EYS: variants seen among roughly 807,000 people sequenced by gnomAD.
EYS encodes protein eyes shut homolog.
In EYS, 250 loss-of-function variants were observed where a neutral mutation model predicts 282.1. That is an observed-to-expected ratio of 0.89 (90% confidence interval 0.80 to 0.98). The LOEUF (loss-of-function observed/expected upper bound fraction) is 0.98. Ranked by LOEUF, EYS falls within the 50% of genes least tolerant of loss-of-function variation. EYS has a pLI of 0.00. For synonymous variants in EYS, 1,355 were observed against 1,282.9 expected (o/e 1.06, Z -1.20); for missense variants, 4,016 against 3,709.0 (o/e 1.08, Z -2.15).
chr6:64,596,705 A>C (rs930903928), intron 24 of EYS, among the ~76,000 whole-genome samples: 1 of 152,214 alleles, frequency 6.6e-6, no homozygotes, highest in South Asian at 2.1e-4. Context: ...TACAAAAATC[A>C]ACTCAAAATT....
intron 2 of EYS, among the ~76,000 whole-genome samples, chr6:65,500,624 ACTT>A (rs548172673): frequency 4.8e-4 from 73 of 152,136 alleles, no homozygotes; most frequent in African/African-American, 1.7e-3. Context: ...TACTACATCA[ACTT>A]CTTCATAAAG....
chr6:65,177,733 T>C (rs1163075201), intron 12 of EYS, among the ~76,000 whole-genome samples: 4 of 151,888 alleles, frequency 2.6e-5, no homozygotes, highest in Non-Finnish European at 4.4e-5. Context: ...ATTTTATACA[T>C]AATCTACATA....
At chr6:64,550,946 T>C (rs558465189) in intron 26 of EYS, among the ~76,000 whole-genome samples, 3 of 152,232 alleles carry the variant, frequency 2.0e-5, no homozygotes, top group East Asian at 3.9e-4. Flanking sequence ...TTGTTTTTAA[T>C]ATTGCTTTTA....
intron 26 of EYS, among the ~76,000 whole-genome samples, chr6:64,446,302 A>G (rs1168365761): frequency 6.6e-6 from 1 of 152,220 alleles, no homozygotes; most frequent in African/African-American, 2.4e-5. Flanking sequence ...AAAATCAGGA[A>G]TCAATGAACC....
chr6:64,056,494 C>T (rs978504721), intron 33 of EYS, among the ~76,000 whole-genome samples: 1 of 152,148 alleles, frequency 6.6e-6, no homozygotes, highest in Admixed American at 6.6e-5. Context: ...TCTATATAAT[C>T]CCATTCTAAG....
At chr6:64,904,638 G>T (rs1562251881) in intron 16 of EYS, among the ~76,000 whole-genome samples, 1 of 152,124 alleles carries the variant, frequency 6.6e-6, no homozygotes, top group African/African-American at 2.4e-5. Context: ...TTCTCTGGGA[G>T]GCAGGGCATT....
At chr6:63,790,153 G>A (rs1770473311) in intron 37 of EYS, among the ~76,000 whole-genome samples, 1 of 152,228 alleles carries the variant, frequency 6.6e-6, no homozygotes, top group Non-Finnish European at 1.5e-5. Context: ...GGGAGAAAAA[G>A]CTGAATTGAG....
chr6:65,312,683 CCCCAACAA>C (rs1769192415), intron 11 of EYS, among the ~76,000 whole-genome samples: 3 of 152,092 alleles, frequency 2.0e-5, no homozygotes, highest in Non-Finnish European at 4.4e-5. Flanking sequence ...TATCTCAGGC[CCCCAACAA>C]CCTGATTCAT....
At chr6:63,933,693 T>C (rs560828406) in intron 35 of EYS, among the ~76,000 whole-genome samples, 2 of 152,240 alleles carry the variant, frequency 1.3e-5, no homozygotes, top group South Asian at 2.1e-4. Context: ...ATCTAGTGGC[T>C]CCGAGCCACC....
At position 64,427,869 on chromosome 6, in the gene EYS, G is replaced by A. The variant is rs537733915; in HGVS notation, c.5927+8305C>T. Among the ~76,000 whole-genome samples, 25 of 152,162 alleles carry A rather than the reference G, an allele frequency of 1.6e-4. No individual in the cohort carries two copies. In the South Asian group the frequency reaches 2.5e-3, roughly 15 times the overall value. ...AGGAATTTGATAGTATTTGTAAAAT[G>A]ACTTGAATTAAGCATTAATTTTCTG... On this transcript the variant is annotated intron_variant, in intron 28 of 42. Coordinates refer to ENST00000503581, the MANE Select transcript of EYS (RefSeq NM_001142800.2).
At chr6:64,613,579 G>C (rs1378079074) in intron 24 of EYS, among the ~76,000 whole-genome samples, 1 of 152,058 alleles carries the variant, frequency 6.6e-6, no homozygotes. Context: ...AGTCAGGCAG[G>C]TACAAAGAAT....
At chr6:64,943,879 G>A (rs1355642108) in intron 15 of EYS, among the ~76,000 whole-genome samples, 3 of 152,014 alleles carry the variant, frequency 2.0e-5, no homozygotes, top group African/African-American at 7.2e-5. Flanking sequence ...TGAAGAAAGA[G>A]ATTGAATAAC....
intron 22 of EYS, among the ~76,000 whole-genome samples, chr6:64,748,795 C>T (rs138424915): frequency 0.047 from 7,169 of 152,192 alleles, 227 homozygotes; most frequent in East Asian, 0.18. Flanking sequence ...TTTTATGAGA[C>T]GGAGTCTCAC....
At chr6:64,723,025 G>A (rs1042594956) in intron 22 of EYS, among the ~76,000 whole-genome samples, 4 of 149,992 alleles carry the variant, frequency 2.7e-5, no homozygotes, top group African/African-American at 9.8e-5. Context: ...TTAAAACCTG[G>A]AAAGGGTAAA....
At chr6:64,696,749 T>A (rs972561386) in intron 22 of EYS, among the ~76,000 whole-genome samples, 2 of 152,042 alleles carry the variant, frequency 1.3e-5, no homozygotes, top group Non-Finnish European at 2.9e-5. Context: ...AGAATAACCT[T>A]CATGAAAAAA....
At chr6:65,689,221 G>A (rs904441942) in intron 1 of EYS, among the ~76,000 whole-genome samples, 1 of 149,442 alleles carries the variant, frequency 6.7e-6, no homozygotes, top group East Asian at 2.3e-4. Flanking sequence ...CATGTCCCTT[G>A]TAGGGACATG....
intron 26 of EYS, among the ~76,000 whole-genome samples, chr6:64,553,084 T>C (rs1477508885): frequency 6.6e-6 from 1 of 152,150 alleles, no homozygotes; most frequent in African/African-American, 2.4e-5. Context: ...CTAAAATGTA[T>C]AAAACCAAGC....
chr6:63,961,965 A>G (rs1562118906), intron 35 of EYS, among the ~76,000 whole-genome samples: 2 of 152,186 alleles, frequency 1.3e-5, no homozygotes, highest in African/African-American at 4.8e-5. Flanking sequence ...CATATCTACA[A>G]CTATCTGATC....
At chr6:65,426,487 G>C (rs867718918) in intron 5 of EYS, among the ~76,000 whole-genome samples, 1 of 152,040 alleles carries the variant, frequency 6.6e-6, no homozygotes, top group Admixed American at 6.6e-5. Flanking sequence ...TTGGATAAGA[G>C]GCAATGTGGT....
Sources: allele counts gnomAD v4.1 joint callset (sites outside exome capture counted in the v4.1 genomes callset), GRCh38; gene constraint gnomAD v4.1.1; transcripts MANE v1.5; gene names NCBI Gene and HGNC (gene_info 2026-07-23, HGNC 2026-07-21).